Variants in BRWD3 observed in about 807,000 individuals in gnomAD.
BRWD3 encodes the protein bromodomain and WD repeat domain containing 3, also known as bromodomain and WD repeat-containing protein 3.
A neutral mutation model predicts 149.7 loss-of-function variants in BRWD3; 10 were observed. The ratio of observed to expected loss-of-function variants is 0.07; its 90% CI spans 0.04 to 0.11. The LOEUF is 0.11. Among genes scored for constraint, BRWD3 ranks in the 10% least tolerant of loss-of-function variants. The pLI is 1.00. For missense variants in BRWD3, 940 were observed against 1,373.2 expected (o/e 0.68, Z 4.99); for synonymous variants, 504 against 456.7 (o/e 1.10, Z -1.32).
Position 80,751,083 on chromosome X carries a change from A to C in BRWD3, c.431-5354T>G, listed in dbSNP as rs368638633. ...AAAACAGAGTAGAAAGGTAGTTACC[A>C]CAGGATACAAGGAAAGGAGAGGGGT... On this transcript the variant is annotated intron_variant, in intron 6 of 40. Transcript: ENST00000373275. Among the ~76,000 whole-genome samples, 10 of 111,549 alleles carry C rather than the reference A, an allele frequency of 9.0e-5. No homozygotes were observed. The East Asian group carries it at 2.5e-3, about 28-fold the overall frequency.
intron 20 of BRWD3, chrX:80,710,420 G>A (rs1452206995): frequency 2.7e-5 from 9 of 335,220 alleles, no homozygotes; most frequent in Admixed American, 1.5e-4. Context: ...CAGTCAGCTC[G>A]TACTTACTTG....
intron 6 of BRWD3, among the ~76,000 whole-genome samples, chrX:80,762,196 T>A (rs763958921): frequency 8.9e-6 from 1 of 111,782 alleles, no homozygotes; most frequent in Admixed American, 9.6e-5. Flanking sequence ...CAAGCAAACA[T>A]GTTTTGCCTT....
intron 4 of BRWD3, among the ~76,000 whole-genome samples, chrX:80,801,469 G>A (rs1428615537): frequency 1.9e-5 from 2 of 107,932 alleles, no homozygotes; most frequent in Non-Finnish European, 3.8e-5. Flanking sequence ...ACCCACCTAG[G>A]CCTCCCAAAG....
chrX:80,689,049 A>G (rs1333505520), intron 33 of BRWD3, among the ~76,000 whole-genome samples: 5 of 111,505 alleles, frequency 4.5e-5, no homozygotes, highest in Non-Finnish European at 7.6e-5. Context: ...TATAAATAAT[A>G]TAAACATGCA....
At chrX:80,699,887 A>T in intron 25 of BRWD3, 70 bp downstream of exon 25, 1 of 813,995 alleles carries the variant, frequency 1.2e-6, no homozygotes, top group Non-Finnish European at 1.8e-6. Context: ...CTGAGGGGAA[A>T]AAACCATGGG....
rs371995435 is a variant in BRWD3, at chrX:80,727,775, C to G, written c.1386+977G>C. On this transcript the variant is annotated intron_variant, in intron 14 of 40. Coordinates refer to ENST00000373275, the MANE Select transcript of BRWD3 (RefSeq NM_153252.5). ...CTTTCAAAACTTAACCCAAACTACACTTCCTCAGGAAGTTTTCTCTGAGCC... is the reference window on the plus strand; with the variant it reads ...CTTTCAAAACTTAACCCAAACTACAGTTCCTCAGGAAGTTTTCTCTGAGCC... Among the ~76,000 whole-genome samples the G allele has an allele frequency of 2.2e-4, 24 of 111,355 alleles. 1 individual carries two copies. In the East Asian group the frequency reaches 3.1e-3, roughly 14 times the overall value.
intron 6 of BRWD3, among the ~76,000 whole-genome samples, chrX:80,759,485 T>C (rs1006703114): frequency 8.9e-6 from 1 of 111,982 alleles, no homozygotes; most frequent in African/African-American, 3.2e-5. Flanking sequence ...GCATTTTCTT[T>C]TCTCTAACTA....
chrX:80,778,825 C>T (rs2074025930), intron 6 of BRWD3, among the ~76,000 whole-genome samples: 1 of 110,936 alleles, frequency 9.0e-6, no homozygotes, highest in Non-Finnish European at 1.9e-5. Context: ...ATGGTGACAC[C>T]CTGTCTCTAC....
chrX:80,764,549 G>A (rs970595805), intron 6 of BRWD3, among the ~76,000 whole-genome samples: 6 of 108,946 alleles, frequency 5.5e-5, no homozygotes, highest in East Asian at 2.9e-4. Flanking sequence ...TCCTGACCTC[G>A]TGATCTGCCT....
At chrX:80,746,726 G>T in intron 6 of BRWD3, 2 of 257,828 alleles carry the variant, frequency 7.8e-6, no homozygotes, top group Non-Finnish European at 1.1e-5. Context: ...TCATGTTCAA[G>T]CAGGGCAAGA....
intron 6 of BRWD3, among the ~76,000 whole-genome samples, chrX:80,783,428 C>A (rs1468238812): frequency 9.3e-6 from 1 of 107,424 alleles, no homozygotes; most frequent in African/African-American, 3.4e-5. Flanking sequence ...ATAATAAATG[C>A]TGGTGAGGTT....
At chrX:80,730,197 A>G (rs1366150012) in intron 12 of BRWD3, among the ~76,000 whole-genome samples, 177 bp from the exon 13 acceptor site, 3 of 110,035 alleles carry the variant, frequency 2.7e-5, no homozygotes, top group Non-Finnish European at 5.7e-5. Flanking sequence ...TTATCATATG[A>G]CCCAGAAATT....
intron 35 of BRWD3, 68 bp downstream of exon 35, chrX:80,686,795 T>C (rs1380508405): frequency 2.6e-6 from 3 of 1,135,365 alleles, no homozygotes; most frequent in Non-Finnish European, 3.6e-6. Flanking sequence ...TGCTCTTATC[T>C]AGATTTTAGC....
At chrX:80,795,608 C>T (rs749506906) in intron 4 of BRWD3, among the ~76,000 whole-genome samples, 38 of 109,372 alleles carry the variant, frequency 3.5e-4, no homozygotes, top group Non-Finnish European at 6.7e-4. Flanking sequence ...AGGCTGGGAA[C>T]GGTGGCTCAT....
intron 14 of BRWD3, among the ~76,000 whole-genome samples, chrX:80,726,981 T>A (rs1469728391): frequency 9.3e-6 from 1 of 107,189 alleles, no homozygotes; most frequent in Non-Finnish European, 1.9e-5. Context: ...ACTACTTCAA[T>A]GTACATTAGG....
intron 12 of BRWD3, among the ~76,000 whole-genome samples, chrX:80,732,388 T>C (rs1347259272): frequency 8.9e-6 from 1 of 112,015 alleles, no homozygotes; most frequent in African/African-American, 3.2e-5. Context: ...GATATCTGCA[T>C]ATAATTTCTG....
At chrX:80,801,415 A>C (rs2074296534) in intron 4 of BRWD3, among the ~76,000 whole-genome samples, 1 of 106,297 alleles carries the variant, frequency 9.4e-6, no homozygotes, top group Non-Finnish European at 1.9e-5. Flanking sequence ...ACAGGGTTTC[A>C]CCATCTTGGC....
Position 80,804,917 on chromosome X carries a change from T to C in BRWD3, c.180+3622A>G, listed in dbSNP as rs886659524. Among the ~76,000 whole-genome samples, 10 of 112,332 alleles carry C rather than the reference T, an allele frequency of 8.9e-5. No individual in the cohort carries two copies. In the Admixed American group the frequency reaches 9.4e-4, roughly 11 times the overall value. ...TCACAACTTCAAAATTTTCCCTCTA[T>C]CATTACTTAAAATTCTGGAAAATTT... On this transcript the variant is annotated intron_variant, in intron 4 of 40. Coordinates refer to ENST00000373275, the MANE Select transcript of BRWD3 (RefSeq NM_153252.5).
At chrX:80,697,008 T>C in intron 25 of BRWD3, 145 bp from the exon 26 acceptor site, 2 of 606,542 alleles carry the variant, frequency 3.3e-6, no homozygotes, top group Admixed American at 3.0e-5. Flanking sequence ...TAATAAGATA[T>C]GGCTCTTAAC....
Sources: gnomAD v4.1 joint callset for allele counts (sites outside exome capture counted in the v4.1 genomes callset) on GRCh38, gnomAD v4.1.1 for gene constraint, MANE v1.5 for transcripts, NCBI Gene and HGNC (gene_info 2026-07-23, HGNC 2026-07-21) for gene names.